Variants in PKP4 observed in about 807,000 individuals in gnomAD.
The protein encoded by PKP4 is plakophilin-4.
PKP4 carries 90 observed loss-of-function variants against 145.1 expected under a neutral mutation model. The observed-to-expected ratio is 0.62, with a 90% CI of 0.52 to 0.74. PKP4 has a LOEUF of 0.74. Ranked by LOEUF, PKP4 falls within the 30% of genes least tolerant of loss-of-function variation. The pLI is 0.00. For missense variants in PKP4, 1,340 were observed against 1,482.7 expected (o/e 0.90, Z 1.58); for synonymous variants, 563 against 577.2 (o/e 0.98, Z 0.35).
At chr2:158,521,417 T>G (rs1432310480) in intron 1 of PKP4, among the ~76,000 whole-genome samples, 2 of 152,236 alleles carry the variant, frequency 1.3e-5, no homozygotes, top group East Asian at 3.8e-4. Context: ...GTGATATTTC[T>G]AGTGAAAAAT....
chr2:158,568,338 A>G (rs2047162360), intron 2 of PKP4, among the ~76,000 whole-genome samples: 1 of 152,022 alleles, frequency 6.6e-6, no homozygotes, highest in African/African-American at 2.4e-5. Context: ...AACTCCATCT[A>G]CGAAAGAAAG....
Position 158,650,819 on chromosome 2 carries a change from G to A in PKP4, c.1910-7312G>A, listed in dbSNP as rs192551888. 2.8e-3 allele frequency among the ~76,000 whole-genome samples: 431 copies of A among 152,322 alleles called. 2 individuals carry two copies. The highest frequency in any genetic ancestry group is 9.1e-3 in the African/African-American group (380 of 41,584). ...GCAGGAAATCCCAGAGAACACAGGG[G>A]TGAGCAAGGCAGGCCTGTCCACCAC... On this transcript the variant is annotated intron_variant, in intron 11 of 21. Transcript: ENST00000389759.
chr2:158,612,115 GCACACA>G (rs756189075), intron 4 of PKP4, among the ~76,000 whole-genome samples: 1 of 148,222 alleles, frequency 6.7e-6, no homozygotes, highest in African/African-American at 2.5e-5. Context: ...CTACACAACT[GCACACA>G]CACACACACA....
Position 158,666,421 on chromosome 2 carries a change from A to G in PKP4, c.2586A>G (p.Ala862=), listed in dbSNP as rs1297739479. The change falls in exon 16 of 22, where the codon GCA becomes GCG. Residue 862 remains alanine, a synonymous_variant. Transcript: ENST00000389759. ...NLSAGNWKFA[A]YIRAAVRKEK... is the part of the protein sequence containing the mutation. ...CTTATTTTTCTCACTAGTTTGCAGC[A>G]TATATCCGGGCGGCCGTCCGAAAAG... 1.2e-6 allele frequency: 2 copies of G among 1,604,760 alleles called. No individual in the cohort carries two copies. Among genetic ancestry groups the G allele is most frequent in the East Asian group, 2.2e-5 (1 of 44,620 alleles).
At chr2:158,565,918 A>T (rs1474333567) in intron 2 of PKP4, among the ~76,000 whole-genome samples, 1 of 152,218 alleles carries the variant, frequency 6.6e-6, no homozygotes, top group African/African-American at 2.4e-5. Context: ...GAAAAAAGTT[A>T]AGACAAAAAT....
intron 2 of PKP4, among the ~76,000 whole-genome samples, chr2:158,554,923 A>G (rs1298794592): frequency 6.6e-6 from 1 of 152,220 alleles, no homozygotes; most frequent in Non-Finnish European, 1.5e-5. Context: ...GGTCCACTAC[A>G]TAATACTTGC....
rs749933213 is a variant in PKP4 at position 158,642,615 on chromosome 2, G to A, written c.1825G>A (p.Ala609Thr). 11 of 1,613,492 alleles carry A rather than the reference G, an allele frequency of 6.8e-6. No homozygotes were observed. The highest frequency in any genetic ancestry group is 2.2e-5 in the South Asian group (2 of 91,006). ...FGKSTDENKI[A>T]MKNVGGIPAL... Reference sequence around the variant, plus strand: ...CAAGTCTACAGATGAAAATAAAATAGCAATGAAGAATGTTGGTGGGATACC... The same window carrying A: ...CAAGTCTACAGATGAAAATAAAATAACAATGAAGAATGTTGGTGGGATACC... The change falls in exon 11 of 22, where the codon GCA (alanine) becomes ACA (threonine). Residue 609 changes from alanine to threonine, a missense_variant. Ala to Thr is a moderately conservative substitution (Grantham distance 58). Coordinates refer to ENST00000389759, the MANE Select transcript of PKP4 (RefSeq NM_003628.6).
intron 1 of PKP4, among the ~76,000 whole-genome samples, chr2:158,467,512 A>G (rs1379117258): frequency 6.9e-6 from 1 of 145,280 alleles, no homozygotes; most frequent in Non-Finnish European, 1.5e-5. Context: ...TGATCTCACC[A>G]CTGCACTCTA....
At chr2:158,564,190 A>G (rs574716059) in intron 2 of PKP4, among the ~76,000 whole-genome samples, 5 of 152,166 alleles carry the variant, frequency 3.3e-5, no homozygotes, top group Non-Finnish European at 5.9e-5. Flanking sequence ...GTGACCAATC[A>G]TACTGATCTG....
At chr2:158,645,262 A>G (rs2054714815) in intron 11 of PKP4, among the ~76,000 whole-genome samples, 1 of 152,248 alleles carries the variant, frequency 6.6e-6, no homozygotes, top group African/African-American at 2.4e-5. Flanking sequence ...AAAACAAATT[A>G]TAATTATTTT....
intron 2 of PKP4, among the ~76,000 whole-genome samples, chr2:158,555,472 C>T (rs924212475): frequency 2.0e-5 from 3 of 152,206 alleles, no homozygotes; most frequent in South Asian, 2.1e-4. Context: ...CACTGGATAG[C>T]TCTATTAGCA....
At chr2:158,558,923 A>G (rs1042680982) in intron 2 of PKP4, among the ~76,000 whole-genome samples, 17 of 152,292 alleles carry the variant, frequency 1.1e-4, no homozygotes, top group African/African-American at 3.4e-4. Context: ...TTTGGAAACC[A>G]CGGTGCCTCC....
At chr2:158,564,052 A>T (rs1381947312) in intron 2 of PKP4, among the ~76,000 whole-genome samples, 1 of 152,124 alleles carries the variant, frequency 6.6e-6, no homozygotes, top group African/African-American at 2.4e-5. Context: ...TTCAATTTTA[A>T]TTACAGAAAT....
At chr2:158,621,745 C>CA (rs2052281229) in intron 6 of PKP4, among the ~76,000 whole-genome samples, 1 of 85,108 alleles carries the variant, frequency 1.2e-5, no homozygotes, top group East Asian at 3.2e-4. Flanking sequence ...GACTCCGTCT[C>CA]AAAACAAAAA....
intron 1 of PKP4, among the ~76,000 whole-genome samples, chr2:158,523,067 A>G (rs1017753418): frequency 1.3e-5 from 2 of 152,218 alleles, no homozygotes; most frequent in Non-Finnish European, 2.9e-5. Context: ...GGCGCCCGCC[A>G]TTGCCCAGGC....
At chr2:158,533,381 G>T (rs2043750505) in intron 2 of PKP4, 65 bp downstream of exon 2, 3 of 1,570,954 alleles carry the variant, frequency 1.9e-6, no homozygotes, top group Non-Finnish European at 2.6e-6. Flanking sequence ...ATTAATCTTT[G>T]GATATGTTTT....
At chr2:158,593,219 C>G (rs953501135) in intron 3 of PKP4, among the ~76,000 whole-genome samples, 8 of 152,108 alleles carry the variant, frequency 5.3e-5, no homozygotes, top group Non-Finnish European at 8.8e-5. Context: ...GTTTCAAGGC[C>G]AAATCTTTGC....
At chr2:158,486,018 T>G (rs1409106767) in intron 1 of PKP4, among the ~76,000 whole-genome samples, 2 of 152,170 alleles carry the variant, frequency 1.3e-5, no homozygotes, top group Non-Finnish European at 2.9e-5. Context: ...TCTAATTAAA[T>G]CTATGTAATT....
At chr2:158,596,026 CTTT>C (rs11324166) in intron 3 of PKP4, among the ~76,000 whole-genome samples, 14 of 147,730 alleles carry the variant, frequency 9.5e-5, no homozygotes, top group Admixed American at 1.3e-4. Flanking sequence ...ATGAGTTTAC[CTTT>C]TTTTTTTTTT....
Sources: gnomAD v4.1 joint callset for allele counts (sites outside exome capture counted in the v4.1 genomes callset) on GRCh38, gnomAD v4.1.1 for gene constraint, MANE v1.5 for transcripts, NCBI Gene and HGNC (gene_info 2026-07-23, HGNC 2026-07-21) for gene names.